CCDC27: variants seen among roughly 807,000 people sequenced by gnomAD.
CCDC27 encodes coiled-coil domain containing 27.
CCDC27 carries 80 observed loss-of-function variants against 80.3 expected under a neutral mutation model. The ratio of observed to expected loss-of-function variants is 1.00; its 90% CI spans 0.83 to 1.20. The LOEUF (loss-of-function observed/expected upper bound fraction) is 1.20, where lower values mean the gene tolerates loss of function less well. CCDC27 is among the 50% of genes most tolerant of loss of function. The pLI, the probability that CCDC27 is intolerant of heterozygous loss-of-function variation, is 0.00. For missense variants in CCDC27, 815 were observed against 809.4 expected (o/e 1.01, Z -0.08); for synonymous variants, 342 against 334.3 (o/e 1.02, Z -0.25).
chr1:3,758,262 C>T (rs138479865), intron 4 of CCDC27, among the ~76,000 whole-genome samples: 1,723 of 149,046 alleles, frequency 0.012, 98 homozygotes, highest in Admixed American at 0.086. Context: ...CCATTCAGCT[C>T]GCTGCCACCT....
chr1:3,765,846 G>C (rs1427696633), intron 8 of CCDC27, among the ~76,000 whole-genome samples: 1 of 151,148 alleles, frequency 6.6e-6, no homozygotes, highest in East Asian at 1.9e-4. Flanking sequence ...TTTTAATGGA[G>C]AGTTTCTTTT....
In CCDC27 at chr1:3,771,630, C is replaced by A; in HGVS notation, c.*107C>A. 2 of 1,290,118 alleles carry A rather than the reference C, an allele frequency of 1.6e-6. No individual in the cohort carries two copies. The highest frequency in any genetic ancestry group is 2.1e-6 in the Non-Finnish European group (2 of 930,866). 79.9% of individuals were successfully genotyped at this position (1,290,118 alleles called of 1,614,324 possible). ...TGCTCTCAGACTCAGAATTAAACCC[C>A]GGTGTTGGCACTGTCCCACCTTTTT... On this transcript the variant is annotated 3_prime_UTR_variant, in exon 12 of 12. Transcript: ENST00000294600.
chr1:3,765,992 C>T (rs374674455), intron 8 of CCDC27, among the ~76,000 whole-genome samples: 1 of 152,044 alleles, frequency 6.6e-6, no homozygotes, highest in Non-Finnish European at 1.5e-5. Context: ...GCCTCAGCCT[C>T]CTGAGGAGCT....
chr1:3,766,437 T>TTA lies in CCDC27; in HGVS notation c.1453-97_1453-96dup. 1 of 748,262 alleles carries TTA rather than the reference T, an allele frequency of 1.3e-6. No homozygotes were observed. Among genetic ancestry groups the TTA allele is most frequent in the South Asian group, 1.7e-5 (1 of 58,808 alleles). 46.4% of individuals were successfully genotyped at this position (748,262 alleles called of 1,614,324 possible). A position where few individuals can be genotyped will look rare whatever the true frequency, so the allele number is the denominator to read the frequency against. On this transcript the variant is annotated intron_variant, in intron 8 of 11. Transcript: ENST00000294600. This position sits in a 1 kb window ranked among gnomAD's most constrained non-coding sequence, Gnocchi z 6.1. The stretch of plus-strand genomic sequence containing the variant: ...CAATAGAAATCCCGCTGCTATTATT[T>TTA]TAGGGAGCTTTGGGGAAGGAAAAAA...
chr1:3,758,997 T>C (rs1374599100), intron 4 of CCDC27, among the ~76,000 whole-genome samples: 1 of 151,362 alleles, frequency 6.6e-6, no homozygotes, highest in Non-Finnish European at 1.5e-5. Context: ...GATCATGAGG[T>C]CAGGAGTTCA....
rs1643308523 is a variant in CCDC27, at chr1:3,769,475, G to A, written c.1744-308G>A. On this transcript the variant is annotated intron_variant, in intron 10 of 11. Transcript: ENST00000294600. The surrounding 1 kb of genome is among the most constrained non-coding windows in gnomAD (Gnocchi z 4.6). ...GCTTCTGTACTATTTTGGTTTGTTGGTTTAAAAATATATATATATGTGTGT... is the reference window on the plus strand; with the variant it reads ...GCTTCTGTACTATTTTGGTTTGTTGATTTAAAAATATATATATATGTGTGT... 6.6e-6 allele frequency among the ~76,000 whole-genome samples: 1 copy of A among 152,094 alleles called. No individual in the cohort carries two copies. The highest frequency in any genetic ancestry group is 1.5e-5 in the Non-Finnish European group (1 of 68,024).
rs141725715 is a variant in CCDC27 at position 3,752,713 on chromosome 1, G to A, written c.232G>A (p.Ala78Thr). The change falls in exon 1 of 12, where the codon GCC becomes ACC. Residue 78 changes from alanine to threonine, a missense_variant. By Grantham distance (58) the Ala-to-Thr change is moderately conservative. Transcript: ENST00000294600. ...VLLQSMASRDARCPEWKPHQK... is the reference protein window; with the variant it reads ...VLLQSMASRDTRCPEWKPHQK... Reference sequence around the variant, plus strand: ...CCTCCAGAGCATGGCCAGCCGGGACGCCCGGTGCCCAGAATGGAAACCGCA... The same window carrying A: ...CCTCCAGAGCATGGCCAGCCGGGACACCCGGTGCCCAGAATGGAAACCGCA... 65 of 1,613,764 alleles carry A rather than the reference G, an allele frequency of 4.0e-5. No homozygotes were observed. Among genetic ancestry groups the A allele is most frequent in the Non-Finnish European group, 3.5e-5 (41 of 1,180,044 alleles).
At position 3,761,441 on chromosome 1, in the gene CCDC27, C is replaced by G. The variant is rs570903636; in HGVS notation, c.861+11C>G. Reference sequence around the variant, plus strand: ...TCCCCAGGCAGGAGGGTGAGCCAGCCCCAGCGGGGCACAGCGCAGAGCTCT... The same window carrying G: ...TCCCCAGGCAGGAGGGTGAGCCAGCGCCAGCGGGGCACAGCGCAGAGCTCT... On this transcript the variant is annotated intron_variant, in intron 5 of 11. Transcript: ENST00000294600. This position sits in a 1 kb window ranked among gnomAD's most constrained non-coding sequence, Gnocchi z 5.0. The G allele has an allele frequency of 6.2e-7, 1 of 1,612,974 alleles. No individual in the cohort carries two copies. The highest frequency in any genetic ancestry group is 1.1e-5 in the South Asian group (1 of 91,032).
In CCDC27 at chr1:3,763,794, G is replaced by A; in HGVS notation, c.1410G>A (p.Glu470=). 1 of 1,614,106 alleles carries A rather than the reference G, an allele frequency of 6.2e-7. No individual in the cohort carries two copies. ...INTENETLQK[E]LRERRQQLQA... ...CGGAAAATGAGACGCTGCAGAAGGA[G>A]CTCCGAGAGCGGAGGCAGCAGCTAC... Residue 470 remains glutamate (E), a synonymous_variant, in exon 8 of 12, where the codon GAG becomes GAA. Transcript: ENST00000294600. The surrounding 1 kb of genome is among the most constrained non-coding windows in gnomAD (Gnocchi z 7.5).
rs201495912 is a variant in CCDC27 at position 3,763,371 on chromosome 1, G to A, written c.1218G>A (p.Ser406=). 2.9e-5 allele frequency: 47 copies of A among 1,612,964 alleles called. No individual in the cohort carries two copies. The highest frequency in any genetic ancestry group is 1.9e-4 in the Middle Eastern group (1 of 5,146). ...PRRRASSLAE[S]FEEELLAQLE... is the part of the protein sequence containing the mutation. ...GAAGGGCCTCCTCCCTGGCCGAGTC[G>A]TTTGAGGAGGAGCTGCTGGCCCAGC... The change falls in exon 7 of 12, where the codon TCG becomes TCA. Residue 406 remains serine, a synonymous_variant. Coordinates refer to ENST00000294600, the MANE Select transcript of CCDC27 (RefSeq NM_152492.3). The surrounding 1 kb of genome is among the most constrained non-coding windows in gnomAD (Gnocchi z 7.5).
Position 3,763,877 on chromosome 1 carries a change from G to A in CCDC27, c.1452+41G>A, listed in dbSNP as rs1643160068. 3 of 1,605,332 alleles carry A rather than the reference G, an allele frequency of 1.9e-6. No homozygotes were observed. Among genetic ancestry groups the A allele is most frequent in the African/African-American group, 2.7e-5 (2 of 74,658 alleles). On this transcript the variant is annotated intron_variant, in intron 8 of 11. Coordinates refer to ENST00000294600, the MANE Select transcript of CCDC27 (RefSeq NM_152492.3). This position sits in a 1 kb window ranked among gnomAD's most constrained non-coding sequence, Gnocchi z 7.5. ...GTACCGGCCTCCGCTCCATGAGCAT[G>A]GGCCCCAGGCTTCATTAACCCCCGG...
Position 3,754,105 on chromosome 1 carries a change from C to T in CCDC27, c.319-13C>T. 1 of 1,612,002 alleles carries T rather than the reference C, an allele frequency of 6.2e-7. No individual in the cohort carries two copies. The highest frequency in any genetic ancestry group is 1.1e-5 in the South Asian group (1 of 90,842). On this transcript the variant is annotated splice_polypyrimidine_tract_variant and intron_variant, in intron 1 of 11. Transcript: ENST00000294600. ...GGCCTTCCTTGTCTGTCTTACTTTCCCCGCTCTGCCAGAGTGAACCCAAGG... is the reference window on the plus strand; with the variant it reads ...GGCCTTCCTTGTCTGTCTTACTTTCTCCGCTCTGCCAGAGTGAACCCAAGG...
rs530104861 is a variant in CCDC27, at chr1:3,755,162, C to T, written c.443-295C>T. Among the ~76,000 whole-genome samples, 102 of 152,230 alleles carry T rather than the reference C, an allele frequency of 6.7e-4. 1 individual carries two copies. The highest frequency in any genetic ancestry group is 3.4e-3 in the Middle Eastern group (1 of 294). ...GTCTGGAGGCAGGGGAGCTTCCGTT[C>T]GACTTTTAGGAGGCACATTTTTACC... is the stretch of plus-strand genomic sequence containing the variant. On this transcript the variant is annotated intron_variant, in intron 2 of 11. Coordinates refer to ENST00000294600, the MANE Select transcript of CCDC27 (RefSeq NM_152492.3).
rs1277018828 is a variant in CCDC27 at position 3,760,305 on chromosome 1, G to T, written c.712-976G>T. ...TTCCCCAAATGTTAAATGTGGCCACGTTTGCTTTATCCTTCTCTCCTCTCT... is the reference window on the plus strand; with the variant it reads ...TTCCCCAAATGTTAAATGTGGCCACTTTTGCTTTATCCTTCTCTCCTCTCT... On this transcript the variant is annotated intron_variant, in intron 4 of 11. Transcript: ENST00000294600. This position sits in a 1 kb window ranked among gnomAD's most constrained non-coding sequence, Gnocchi z 4.3. 6.6e-6 allele frequency among the ~76,000 whole-genome samples: 1 copy of T among 151,894 alleles called. No homozygotes were observed. Among genetic ancestry groups the T allele is most frequent in the African/African-American group, 2.4e-5 (1 of 41,336 alleles).
At position 3,763,308 on chromosome 1, in the gene CCDC27, G is replaced by A. The variant is rs750651580; in HGVS notation, c.1155G>A (p.Glu385=). 11 of 1,608,914 alleles carry A rather than the reference G, an allele frequency of 6.8e-6. 1 individual carries two copies. In the Admixed American group the frequency reaches 1.9e-4, roughly 27 times the overall value. Residue 385 remains glutamate, a synonymous_variant, in exon 7 of 12, where the codon GAG becomes GAA. Coordinates refer to ENST00000294600, the MANE Select transcript of CCDC27 (RefSeq NM_152492.3). This position sits in a 1 kb window ranked among gnomAD's most constrained non-coding sequence, Gnocchi z 7.5. The part of the protein sequence containing the change: ...EEEGDRDEDS[E]ERELPEEEEI... ...AAGGGGACAGGGATGAGGACTCAGAGGAAAGGGAGCTGCCGGAGGAAGAGG... is the reference window on the plus strand; with the variant it reads ...AAGGGGACAGGGATGAGGACTCAGAAGAAAGGGAGCTGCCGGAGGAAGAGG...
chr1:3,756,538 C>T, intron 3 of CCDC27, 195 bp from the exon 4 acceptor site: 1 of 550,346 alleles, frequency 1.8e-6, no homozygotes, highest in South Asian at 2.0e-5. Flanking sequence ...GTGGGCGCCC[C>T]ATCGTGTTCA....
At chr1:3,764,491 G>GC (rs1358595529) in intron 8 of CCDC27, among the ~76,000 whole-genome samples, 2 of 150,292 alleles carry the variant, frequency 1.3e-5, no homozygotes, top group South Asian at 2.1e-4. Context: ...CCTTGCCACC[G>GC]CCCCCCAACA....
At position 3,766,575 on chromosome 1, in the gene CCDC27, T is replaced by A. The variant is rs760475265; in HGVS notation, c.1493T>A (p.Met498Lys). The change falls in exon 9 of 12, where the codon ATG becomes AAG. Residue 498 changes from methionine to lysine, a missense_variant. Coordinates refer to ENST00000294600, the MANE Select transcript of CCDC27 (RefSeq NM_152492.3). This position sits in a 1 kb window ranked among gnomAD's most constrained non-coding sequence, Gnocchi z 6.1. ...GAAGATAAGAAACACCAAGAGATGA[T>A]GGGGCTCATTGAAAAGGACAACCAG... is the stretch of plus-strand genomic sequence containing the variant. The part of the protein sequence containing the change: ...LREDKKHQEM[M>K]GLIEKDNQLL... 4 of 1,613,430 alleles carry A rather than the reference T, an allele frequency of 2.5e-6. No homozygotes were observed. In the South Asian group the frequency reaches 4.4e-5, roughly 18 times the overall value.
chr1:3,765,049 A>T (rs937656250), intron 8 of CCDC27, among the ~76,000 whole-genome samples: 1 of 152,134 alleles, frequency 6.6e-6, no homozygotes, highest in Admixed American at 6.5e-5. Context: ...AAAAAAAAAA[A>T]AAACGATGAA....
Sources: allele counts gnomAD v4.1 joint callset (sites outside exome capture counted in the v4.1 genomes callset), GRCh38; gene constraint gnomAD v4.1.1; non-coding constraint Gnocchi (gnomAD v3.1); transcripts MANE v1.5; gene names NCBI Gene and HGNC (gene_info 2026-07-23, HGNC 2026-07-21).